The following BIRC6 variants were observed in gnomAD, a reference collection of about 807,000 sequenced individuals.
BIRC6 encodes the protein dual E2 ubiquitin-conjugating enzyme/E3 ubiquitin-protein ligase BIRC6.
Under a neutral mutation model 503.3 loss-of-function variants are expected in BIRC6, and 98 were observed. That is an observed-to-expected ratio of 0.19 (90% confidence interval 0.17 to 0.23). The LOEUF is 0.23. BIRC6 is among the 10% of genes least tolerant of loss of function. The pLI, the probability that BIRC6 is intolerant of heterozygous loss-of-function variation, is 1.00. For missense variants in BIRC6, 5,360 were observed against 5,806.0 expected (o/e 0.92, Z 2.50); for synonymous variants, 2,240 against 2,078.7 (o/e 1.08, Z -2.11).
At chr2:32,384,378 ATT>A (rs769809045) in intron 3 of BIRC6, among the ~76,000 whole-genome samples, 15 of 139,080 alleles carry the variant, frequency 1.1e-4, no homozygotes, top group Admixed American at 1.4e-4. Flanking sequence ...TGGAAAAAAG[ATT>A]TTTTTTTTTT....
At chr2:32,412,078 C>G (rs1356423428) in intron 9 of BIRC6, among the ~76,000 whole-genome samples, 1 of 152,054 alleles carries the variant, frequency 6.6e-6, no homozygotes, top group African/African-American at 2.4e-5. Flanking sequence ...CACCACAACG[C>G]CTGGCTTTGT....
intron 1 of BIRC6, among the ~76,000 whole-genome samples, chr2:32,371,298 A>G (rs1233253942): frequency 6.6e-6 from 1 of 152,064 alleles, no homozygotes; most frequent in Non-Finnish European, 1.5e-5. Flanking sequence ...GACTAAGGAA[A>G]AAGTAAGTAC....
chr2:32,365,864 AT>A (rs971860478), intron 1 of BIRC6, among the ~76,000 whole-genome samples: 2 of 151,750 alleles, frequency 1.3e-5, no homozygotes, highest in Non-Finnish European at 2.9e-5. Flanking sequence ...TATTTATTTT[AT>A]TTTTTAATTT....
At chr2:32,504,862 C>G in intron 49 of BIRC6, 143 bp from the exon 50 acceptor site, 1 of 744,632 alleles carries the variant, frequency 1.3e-6, no homozygotes, top group African/African-American at 1.8e-5. Flanking sequence ...TACGGTCATG[C>G]TTAGGATACT....
chr2:32,371,016 C>T (rs1173554579), intron 1 of BIRC6, among the ~76,000 whole-genome samples: 1 of 151,204 alleles, frequency 6.6e-6, no homozygotes, highest in Non-Finnish European at 1.5e-5. Flanking sequence ...TCAATTTTGC[C>T]ATCCTGGGCA....
At chr2:32,380,032 T>G in intron 2 of BIRC6, 121 bp from the exon 3 acceptor site, 1 of 617,876 alleles carries the variant, frequency 1.6e-6, no homozygotes, top group Non-Finnish European at 2.6e-6. Flanking sequence ...AAGGTAAGTT[T>G]AGTATAGTAC....
intron 1 of BIRC6, among the ~76,000 whole-genome samples, chr2:32,373,998 T>C (rs2036351415): frequency 6.6e-6 from 1 of 151,948 alleles, no homozygotes; most frequent in Non-Finnish European, 1.5e-5. Flanking sequence ...ATATTTAGAG[T>C]AGTCGAATTC....
intron 65 of BIRC6, chr2:32,563,465 A>T (rs1175415197): frequency 2.0e-5 from 3 of 152,214 alleles, no homozygotes; most frequent in Admixed American, 6.5e-5. Context: ...ATGATTGTAC[A>T]TTCAAGTCTT....
At chr2:32,486,681 A>G (rs954743669) in intron 40 of BIRC6, among the ~76,000 whole-genome samples, 1 of 152,222 alleles carries the variant, frequency 6.6e-6, no homozygotes, top group Non-Finnish European at 1.5e-5. Context: ...ACCCATTTCA[A>G]TAGAGAAATT....
chr2:32,567,853 A>G lies in BIRC6; in HGVS notation c.13145-7303A>G, dbSNP rs376917825. On this transcript the variant is annotated intron_variant, in intron 65 of 73. Coordinates refer to ENST00000421745, the MANE Select transcript of BIRC6 (RefSeq NM_016252.4). ...GTGGTGGCTCACGCCTGTAATCCCAACACTTTGGGAGGTTGAGGTGGGTGG... is the reference window on the plus strand; with the variant it reads ...GTGGTGGCTCACGCCTGTAATCCCAGCACTTTGGGAGGTTGAGGTGGGTGG... Among the ~76,000 whole-genome samples, 18 of 152,260 alleles carry G rather than the reference A, an allele frequency of 1.2e-4. No individual in the cohort carries two copies. In the East Asian group the frequency reaches 1.7e-3, roughly 15 times the overall value.
Position 32,493,595 on chromosome 2 carries a change from A to T in BIRC6, c.8396A>T (p.His2799Leu). The part of the protein sequence containing the change: ...MQEFLTRLQV[H>L]LSSTCPQIFS... ...GAATTTCTTACTCGATTACAAGTGCATCTTTCTTCAACATGTCCTCAGATA... is the reference window on the plus strand; with the variant it reads ...GAATTTCTTACTCGATTACAAGTGCTTCTTTCTTCAACATGTCCTCAGATA... Residue 2799 changes from histidine to leucine, a missense_variant, in exon 45 of 74, where the codon CAT becomes CTT. His to Leu is a moderately conservative substitution (Grantham distance 99, BLOSUM62 -3). Around this residue, in one of 16 missense-constraint regions of BIRC6, gnomAD observed 2,299 missense variants for 2,267.2 expected, o/e 1.01. Coordinates refer to ENST00000421745, the MANE Select transcript of BIRC6 (RefSeq NM_016252.4). 3 of 1,609,396 alleles carry T rather than the reference A, an allele frequency of 1.9e-6. No individual in the cohort carries two copies. Among genetic ancestry groups the T allele is most frequent in the Non-Finnish European group, 2.5e-6 (3 of 1,176,674 alleles).
rs55982624 is a variant in BIRC6, at chr2:32,427,294, T to A, written c.2873-1852T>A. 8.3e-3 allele frequency among the ~76,000 whole-genome samples: 1,215 copies of A among 145,900 alleles called. 9 individuals are homozygous for A. Among genetic ancestry groups the A allele is most frequent in the Middle Eastern group, 0.014 (4 of 290 alleles). ...TTTAATTTTTATTTTATTTTATTTT[T>A]TTTTTGAGACAAAGTCTTGCTCTTG... On this transcript the variant is annotated intron_variant, in intron 10 of 73. Transcript: ENST00000421745.
intron 10 of BIRC6, among the ~76,000 whole-genome samples, chr2:32,417,340 C>T (rs751698837): frequency 2.0e-5 from 3 of 152,018 alleles, no homozygotes; most frequent in African/African-American, 4.8e-5. Flanking sequence ...AATGGGATTT[C>T]GCCATGTTGC....
In BIRC6 at chr2:32,586,778, C is replaced by T. The variant is rs542156727; in HGVS notation, c.13356-7137C>T. Among the ~76,000 whole-genome samples the T allele has an allele frequency of 7.2e-5, 11 of 152,236 alleles. No individual in the cohort carries two copies. In the East Asian group the frequency reaches 9.6e-4, roughly 13 times the overall value. On this transcript the variant is annotated intron_variant, in intron 66 of 73. Coordinates refer to ENST00000421745, the MANE Select transcript of BIRC6 (RefSeq NM_016252.4). ...GTCTGTTGCTAAGTAAAATTTACTT[C>T]GTAGCAGGTCTTTCTGGGCACATTA... is the stretch of plus-strand genomic sequence containing the variant.
chr2:32,411,096 T>C (rs559739001), intron 9 of BIRC6, among the ~76,000 whole-genome samples: 1 of 152,148 alleles, frequency 6.6e-6, no homozygotes, highest in East Asian at 1.9e-4. Flanking sequence ...TGGAGTGCAA[T>C]GGCGTGATCT....
chr2:32,381,273 C>G (rs767737057), intron 3 of BIRC6, among the ~76,000 whole-genome samples: 44 of 151,980 alleles, frequency 2.9e-4, no homozygotes, highest in Non-Finnish European at 5.1e-4. Flanking sequence ...GAGTTTTGCT[C>G]TTGTTTCCCA....
intron 70 of BIRC6, 105 bp downstream of exon 70, chr2:32,600,005 GGTTTCTT>G: frequency 9.2e-7 from 1 of 1,082,264 alleles, no homozygotes; most frequent in Non-Finnish European, 1.3e-6. Context: ...AGAGGGCATG[GGTTTCTT>G]TGTACTTCTC....
chr2:32,495,328 C>A (rs2052313888), intron 45 of BIRC6, among the ~76,000 whole-genome samples: 1 of 152,166 alleles, frequency 6.6e-6, no homozygotes, highest in Admixed American at 6.5e-5. Context: ...CACACATATA[C>A]CCTGTACATT....
At chr2:32,391,790 CAT>C (rs1346493018) in intron 4 of BIRC6, among the ~76,000 whole-genome samples, 3 of 152,190 alleles carry the variant, frequency 2.0e-5, no homozygotes, top group Non-Finnish European at 2.9e-5. Context: ...AATATGAAAA[CAT>C]ATGTAATCTA....
Sources: allele counts gnomAD v4.1 joint callset (sites outside exome capture counted in the v4.1 genomes callset), GRCh38; gene constraint gnomAD v4.1.1; regional missense constraint gnomAD v4.1.1; transcripts MANE v1.5; gene names NCBI Gene and HGNC (gene_info 2026-07-23, HGNC 2026-07-21).